LIN7A: variants seen among roughly 807,000 people sequenced by gnomAD.
LIN7A encodes lin-7 cell polarity scaffold A, also known as protein lin-7 homolog A.
Under a neutral mutation model 29.8 loss-of-function variants are expected in LIN7A, and 25 were observed. That is an observed-to-expected ratio of 0.84 (90% CI 0.61 to 1.17). The LOEUF (loss-of-function observed/expected upper bound fraction) is 1.17, where lower values mean the gene tolerates loss of function less well. LIN7A is among the 50% of genes most tolerant of loss of function. The pLI is 0.00. For missense variants in LIN7A, 239 were observed against 287.0 expected (o/e 0.83, Z 1.21); for synonymous variants, 118 against 107.5 (o/e 1.10, Z -0.60).
At chr12:80,849,370 T>A (rs1483071687) in intron 2 of LIN7A, among the ~76,000 whole-genome samples, 1 of 152,188 alleles carries the variant, frequency 6.6e-6, no homozygotes, top group Non-Finnish European at 1.5e-5. Flanking sequence ...TTATACTATT[T>A]GCTCTAATAG....
chr12:80,916,990 G>A (rs11114653), intron 1 of LIN7A, among the ~76,000 whole-genome samples: 29,794 of 152,092 alleles, frequency 0.2, 5,213 homozygotes, highest in African/African-American at 0.45. Context: ...ATTGGCATAT[G>A]GTCAGTTAAT....
intron 4 of LIN7A, among the ~76,000 whole-genome samples, chr12:80,842,796 C>T (rs4842363): frequency 1.3e-5 from 2 of 152,074 alleles, no homozygotes; most frequent in South Asian, 2.1e-4. Context: ...CAGAAAACTG[C>T]TTTTTGATGA....
At chr12:80,801,593 T>C (rs1870724615) in intron 5 of LIN7A, among the ~76,000 whole-genome samples, 1 of 152,234 alleles carries the variant, frequency 6.6e-6, no homozygotes, top group South Asian at 2.1e-4. Context: ...ATAAATATAT[T>C]GAATTGATGT....
chr12:80,937,819 T>A lies in LIN7A; in HGVS notation c.-97A>T. ...GGGGAGGAGGGGGAAGGAAGGAAGGTGGTGGTGGTGGAGAAGAAAGCTTGG... is the reference window on the plus strand; with the variant it reads ...GGGGAGGAGGGGGAAGGAAGGAAGGAGGTGGTGGTGGAGAAGAAAGCTTGG... On this transcript the variant is annotated 5_prime_UTR_variant, in exon 1 of 6. Coordinates refer to ENST00000552864, the MANE Select transcript of LIN7A (RefSeq NM_004664.4). 1 of 552,632 alleles carries A rather than the reference T, an allele frequency of 1.8e-6. No homozygotes were observed. The allele number at this position is 552,632 out of a possible 1,614,324, so 34.2% of individuals were successfully genotyped here. A position where few individuals can be genotyped will look rare whatever the true frequency, so the allele number is the denominator to read the frequency against.
At chr12:80,830,911 C>T (rs1872316479) in intron 4 of LIN7A, among the ~76,000 whole-genome samples, 1 of 152,178 alleles carries the variant, frequency 6.6e-6, no homozygotes, top group South Asian at 2.1e-4. Flanking sequence ...TGAGGCTACT[C>T]TGACCGGCAC....
intron 2 of LIN7A, among the ~76,000 whole-genome samples, chr12:80,888,159 G>A (rs999813695): frequency 6.6e-6 from 1 of 152,116 alleles, no homozygotes; most frequent in Non-Finnish European, 1.5e-5. Context: ...TACTTAGGTT[G>A]TGTGCAATAT....
chr12:80,812,036 AAG>A (rs1445910444), intron 4 of LIN7A, among the ~76,000 whole-genome samples: 1 of 152,178 alleles, frequency 6.6e-6, no homozygotes, highest in African/African-American at 2.4e-5. Context: ...CATAGTAACA[AAG>A]AGAAAATTTC....
chr12:80,927,830 G>T (rs1245874029), intron 1 of LIN7A, among the ~76,000 whole-genome samples: 2 of 152,040 alleles, frequency 1.3e-5, no homozygotes, highest in Non-Finnish European at 1.5e-5. Context: ...TTTACATTAG[G>T]TATTTCTCCT....
At chr12:80,914,203 C>T (rs1876914989) in intron 1 of LIN7A, among the ~76,000 whole-genome samples, 1 of 152,192 alleles carries the variant, frequency 6.6e-6, no homozygotes, top group Non-Finnish European at 1.5e-5. Flanking sequence ...TATCCTCAAA[C>T]TATTCCAAAG....
chr12:80,832,417 C>T, intron 4 of LIN7A: 1 of 414,926 alleles, frequency 2.4e-6, no homozygotes, highest in Non-Finnish European at 4.9e-6. Context: ...TTAATAATGG[C>T]AAGCTGTCAA....
rs1176656671 is a variant in LIN7A, at chr12:80,795,518, C to T, written c.*2209G>A. 6.6e-6 allele frequency: 1 copy of T among 152,028 alleles called. No homozygotes were observed. Among genetic ancestry groups the T allele is most frequent in the African/African-American group, 2.4e-5 (1 of 41,400 alleles). 9.4% of individuals were successfully genotyped at this position (152,028 alleles called of 1,614,324 possible). A position where few individuals can be genotyped will look rare whatever the true frequency, so the allele number is the denominator to read the frequency against. ...CCATTTGATAGTTGTTTCTGTAACACTGTGACAATATTTGTATTGATGTGA... is the reference window on the plus strand; with the variant it reads ...CCATTTGATAGTTGTTTCTGTAACATTGTGACAATATTTGTATTGATGTGA... On this transcript the variant is annotated 3_prime_UTR_variant, in exon 6 of 6. Transcript: ENST00000552864.
At chr12:80,836,037 A>G (rs1375502253) in intron 4 of LIN7A, among the ~76,000 whole-genome samples, 1 of 152,244 alleles carries the variant, frequency 6.6e-6, no homozygotes, top group Non-Finnish European at 1.5e-5. Flanking sequence ...TTCATTTCAT[A>G]ATGAACAGCC....
intron 2 of LIN7A, among the ~76,000 whole-genome samples, chr12:80,884,066 G>A (rs1439475869): frequency 2.6e-5 from 4 of 152,136 alleles, no homozygotes; most frequent in Non-Finnish European, 5.9e-5. Context: ...AGGAGAAAAT[G>A]AGAGATAATC....
rs145851729 is a variant in LIN7A, at chr12:80,875,892, C to T, written c.201+13359G>A. ...AGATCCACAAATTATAGATTTGAAA[C>T]TGTTCTGTTTTGAGAGCAGTAGGCT... On this transcript the variant is annotated intron_variant, in intron 2 of 5. Transcript: ENST00000552864. 5.9e-3 allele frequency among the ~76,000 whole-genome samples: 897 copies of T among 152,186 alleles called. 13 individuals are homozygous for T. The highest frequency in any genetic ancestry group is 0.021 in the African/African-American group (862 of 41,534).
At chr12:80,873,985 G>A (rs537000734) in intron 2 of LIN7A, among the ~76,000 whole-genome samples, 1 of 151,976 alleles carries the variant, frequency 6.6e-6, no homozygotes, top group Non-Finnish European at 1.5e-5. Flanking sequence ...TAGGGAATAG[G>A]CAGCAAAGTA....
At chr12:80,883,212 A>G (rs2120600949) in intron 2 of LIN7A, among the ~76,000 whole-genome samples, 1 of 151,532 alleles carries the variant, frequency 6.6e-6, no homozygotes, top group Admixed American at 6.6e-5. Context: ...ATTTTATCTC[A>G]TATTGTCACT....
chr12:80,820,554 A>G (rs1871749451), intron 4 of LIN7A, among the ~76,000 whole-genome samples: 1 of 152,076 alleles, frequency 6.6e-6, no homozygotes, highest in Non-Finnish European at 1.5e-5. Flanking sequence ...GTAATGCTTT[A>G]TAGTAACTGC....
intron 1 of LIN7A, among the ~76,000 whole-genome samples, chr12:80,912,498 C>T (rs538492350): frequency 2.0e-5 from 3 of 151,852 alleles, no homozygotes; most frequent in African/African-American, 7.2e-5. Context: ...GGCGGATCAC[C>T]TGAGGTAGGA....
At chr12:80,835,640 C>T (rs1355191542) in intron 4 of LIN7A, among the ~76,000 whole-genome samples, 1 of 152,038 alleles carries the variant, frequency 6.6e-6, no homozygotes, top group Non-Finnish European at 1.5e-5. Context: ...AAAAGGTATC[C>T]AGCGTAATGC....
Sources: allele counts gnomAD v4.1 joint callset (sites outside exome capture counted in the v4.1 genomes callset), GRCh38; gene constraint gnomAD v4.1.1; transcripts MANE v1.5; gene names NCBI Gene and HGNC (gene_info 2026-07-23, HGNC 2026-07-21).